MCTP1: variants seen among roughly 807,000 people sequenced by gnomAD.
MCTP1 encodes multiple C2 and transmembrane domain containing 1.
MCTP1 carries 69 observed loss-of-function variants against 120.6 expected under a neutral mutation model. The observed-to-expected ratio is 0.57, with a 90% confidence interval of 0.47 to 0.70. The LOEUF (loss-of-function observed/expected upper bound fraction) is 0.70, where lower values mean the gene tolerates loss of function less well. Among genes scored for constraint, MCTP1 ranks in the 30% least tolerant of loss-of-function variants. The pLI, the probability that MCTP1 is intolerant of heterozygous loss-of-function variation, is 0.00. For missense variants in MCTP1, 1,203 were observed against 1,248.8 expected (o/e 0.96, Z 0.55); for synonymous variants, 529 against 493.1 (o/e 1.07, Z -0.96).
chr5:94,846,030 G>A (rs1270737896), intron 17 of MCTP1, among the ~76,000 whole-genome samples: 1 of 152,182 alleles, frequency 6.6e-6, no homozygotes, highest in Admixed American at 6.6e-5. Flanking sequence ...GGAGGAAAGG[G>A]AATGCTTATA....
At position 95,188,051 on chromosome 5, in the gene MCTP1, C is replaced by T. The variant is rs886510780; in HGVS notation, c.720+95805G>A. The stretch of plus-strand genomic sequence containing the variant: ...ATTAAAAATTTTTAAAAAGAATTCT[C>T]ATAACTCAACAGTAAAGAAACACCA... On this transcript the variant is annotated intron_variant, in intron 1 of 22. Transcript: ENST00000515393. 2.0e-5 allele frequency among the ~76,000 whole-genome samples: 3 copies of T among 151,996 alleles called. No individual in the cohort carries two copies. The East Asian group carries it at 5.8e-4, about 29-fold the overall frequency.
At chr5:94,738,095 C>T (rs1764677731) in intron 19 of MCTP1, among the ~76,000 whole-genome samples, 1 of 152,212 alleles carries the variant, frequency 6.6e-6, no homozygotes, top group Non-Finnish European at 1.5e-5. Flanking sequence ...ACTGCAGGTA[C>T]ATTATACTTA....
chr5:94,925,416 GT>G (rs555530800), intron 6 of MCTP1, among the ~76,000 whole-genome samples: 3 of 148,948 alleles, frequency 2.0e-5, no homozygotes, highest in Admixed American at 6.7e-5. Context: ...TTTTTTTCTG[GT>G]TTTTTTTTTG....
At chr5:95,261,452 C>A (rs1258036878) in intron 1 of MCTP1, among the ~76,000 whole-genome samples, 1 of 152,168 alleles carries the variant, frequency 6.6e-6, no homozygotes, top group Non-Finnish European at 1.5e-5. Flanking sequence ...AATCTAATTT[C>A]TTTTCTGTAA....
chr5:94,894,698 A>T lies in MCTP1; in HGVS notation c.1790T>A (p.Val597Asp), dbSNP rs773498782. 27 of 1,613,072 alleles carry T rather than the reference A, an allele frequency of 1.7e-5. No individual in the cohort carries two copies. Among genetic ancestry groups the T allele is most frequent in the Non-Finnish European group, 2.3e-5 (27 of 1,179,148 alleles). Residue 597 changes from valine to aspartate, a missense_variant, in exon 11 of 23, where the codon GTC becomes GAC. Physicochemically the swap from Val to Asp is radical, Grantham distance 152 (BLOSUM62 -3). This residue lies in a region of MCTP1 where 740 missense variants were observed against 871.1 expected (regional missense o/e 0.85). Transcript: ENST00000515393. ...SATVSISDLS[V>D]NSLEDQKERE... ...TTCCTTCTGGTCCTCCAGGGAGTTGACAGACAGGTCAGAGATGCTGACTGT... is the reference window on the plus strand; with the variant it reads ...TTCCTTCTGGTCCTCCAGGGAGTTGTCAGACAGGTCAGAGATGCTGACTGT...
chr5:95,255,748 T>C (rs1437120605), intron 1 of MCTP1, among the ~76,000 whole-genome samples: 3 of 152,126 alleles, frequency 2.0e-5, no homozygotes, highest in Non-Finnish European at 4.4e-5. Context: ...AAGCAGAGTG[T>C]CAGAGAACCA....
At chr5:94,808,606 G>C (rs1305375164) in intron 17 of MCTP1, among the ~76,000 whole-genome samples, 1 of 152,106 alleles carries the variant, frequency 6.6e-6, no homozygotes, top group African/African-American at 2.4e-5. Flanking sequence ...AAACTGACAA[G>C]ACTTGATCTG....
chr5:95,206,079 T>C (rs770716849), intron 1 of MCTP1, among the ~76,000 whole-genome samples: 1 of 152,132 alleles, frequency 6.6e-6, no homozygotes, highest in Non-Finnish European at 1.5e-5. Flanking sequence ...ATGAACACAA[T>C]TGTTCATAGT....
intron 1 of MCTP1, among the ~76,000 whole-genome samples, chr5:95,059,211 A>ATATG (rs777215967): frequency 1.1e-4 from 16 of 151,182 alleles, no homozygotes; most frequent in Non-Finnish European, 1.9e-4. Flanking sequence ...AATGTGGCAT[A>ATATG]TATATATATA....
intron 3 of MCTP1, among the ~76,000 whole-genome samples, chr5:94,944,654 C>G (rs970875276): frequency 2.6e-5 from 4 of 152,172 alleles, no homozygotes; most frequent in Non-Finnish European, 5.9e-5. Flanking sequence ...TTTTCACTCT[C>G]CTAGTGAGAG....
chr5:94,826,272 C>T, intron 17 of MCTP1: 1 of 458,494 alleles, frequency 2.2e-6, no homozygotes, highest in Non-Finnish European at 4.1e-6. Flanking sequence ...TTTGGGAACC[C>T]CCATGCAATA....
intron 17 of MCTP1, among the ~76,000 whole-genome samples, chr5:94,830,142 T>C (rs1168922527): frequency 2.0e-5 from 3 of 152,178 alleles, no homozygotes; most frequent in Admixed American, 6.5e-5. Context: ...AAACAAAAGA[T>C]TAAAACAAAC....
At chr5:95,017,553 A>ATC in intron 1 of MCTP1, 69 bp from the exon 2 acceptor site, 88 of 932,338 alleles carry the variant, frequency 9.4e-5, no homozygotes, top group Non-Finnish European at 1.3e-4. Context: ...AAGGGGGACC[A>ATC]TATATAGCTT....
intron 19 of MCTP1, among the ~76,000 whole-genome samples, chr5:94,760,556 G>A (rs1771083736): frequency 6.6e-6 from 1 of 152,160 alleles, no homozygotes; most frequent in Non-Finnish European, 1.5e-5. Flanking sequence ...CAAAGAAATA[G>A]CATTTATGCA....
At chr5:94,831,483 T>C (rs1177964603) in intron 17 of MCTP1, among the ~76,000 whole-genome samples, 1 of 152,236 alleles carries the variant, frequency 6.6e-6, no homozygotes, top group African/African-American at 2.4e-5. Context: ...TATAAGATCC[T>C]TGTGCAGTTT....
chr5:95,002,295 C>T (rs192616257), intron 2 of MCTP1, among the ~76,000 whole-genome samples: 2 of 152,328 alleles, frequency 1.3e-5, no homozygotes, highest in African/African-American at 4.8e-5. Context: ...AGAGTCCTCA[C>T]TGGGGCACTG....
intron 18 of MCTP1, among the ~76,000 whole-genome samples, chr5:94,780,150 T>G (rs1561623699): frequency 6.6e-6 from 1 of 152,048 alleles, no homozygotes. Context: ...CTTTTTTTTT[T>G]TCCTGATCTT....
intron 6 of MCTP1, among the ~76,000 whole-genome samples, chr5:94,927,462 T>C (rs1172042454): frequency 6.6e-6 from 1 of 152,148 alleles, no homozygotes; most frequent in East Asian, 1.9e-4. Flanking sequence ...TTCAAAGACA[T>C]ATGCGTAATG....
At chr5:94,892,348 A>G (rs1802871726) in intron 11 of MCTP1, among the ~76,000 whole-genome samples, 1 of 152,202 alleles carries the variant, frequency 6.6e-6, no homozygotes, top group Non-Finnish European at 1.5e-5. Flanking sequence ...TAAAAATGGA[A>G]TGCTAACAAC....
Sources: gnomAD v4.1 joint callset for allele counts (sites outside exome capture counted in the v4.1 genomes callset) on GRCh38, gnomAD v4.1.1 for gene constraint, gnomAD v4.1.1 regional missense constraint, MANE v1.5 for transcripts, NCBI Gene and HGNC (gene_info 2026-07-23, HGNC 2026-07-21) for gene names.